TAF6: variants seen among roughly 807,000 people sequenced by gnomAD.
TAF6 encodes TATA-box binding protein associated factor 6.
In TAF6, 50 loss-of-function variants were observed where a neutral mutation model predicts 73.5. The observed-to-expected ratio is 0.68, with a 90% CI of 0.54 to 0.86. TAF6 has a LOEUF of 0.86. TAF6 is among the 40% of genes least tolerant of loss of function. TAF6 has a pLI of 0.00. For missense variants in TAF6, 768 were observed against 899.5 expected, an observed-to-expected ratio of 0.85 and a Z score of 1.87; for synonymous variants, 424 against 376.7, an observed-to-expected ratio of 1.13 and a Z score of -1.45.
chr7:100,121,130 T>TACA (rs1798050393), upstream of TAF6: 1 of 83,258 alleles, frequency 1.2e-5, no homozygotes, highest in African/African-American at 4.3e-5. Context: ...TTTTTTTTTT[T>TACA]TTTTTTTTTT....
Position 100,114,079 on chromosome 7 carries a change from C to G in TAF6, c.131G>C (p.Ser44Thr). 1 of 1,614,200 alleles carries G rather than the reference C, an allele frequency of 6.2e-7. No individual in the cohort carries two copies. The highest frequency in any genetic ancestry group is 8.5e-7 in the Non-Finnish European group (1 of 1,180,040). The change falls in exon 2 of 15, where the codon AGC becomes ACC. Residue 44 changes from serine to threonine, a missense_variant. By Grantham distance (58) the Ser-to-Thr change is moderately conservative (BLOSUM62 1). Around this residue, in one of 5 missense-constraint regions of TAF6, gnomAD observed 269 missense variants for 268.0 expected, o/e 1.00. Coordinates refer to ENST00000453269, the MANE Select transcript of TAF6 (RefSeq NM_139315.3). ...CTGTGCGATCTCTTTGATGCGGTAG[C>G]TGACCTCATCCGTTAGCAGCTGGCA... ...ETCQLLTDEV[S>T]YRIKEIAQDA...
intron 12 of TAF6, among the ~76,000 whole-genome samples, chr7:100,109,529 C>T (rs537067114): frequency 2.6e-5 from 4 of 151,970 alleles, no homozygotes; most frequent in Admixed American, 2.0e-4. Flanking sequence ...GGTGGTCTCC[C>T]TCTGTAACCC....
chr7:100,107,563 T>C lies in TAF6; in HGVS notation c.1717A>G (p.Thr573Ala). 1 of 1,613,540 alleles carries C rather than the reference T, an allele frequency of 6.2e-7. No individual in the cohort carries two copies. Among genetic ancestry groups the C allele is most frequent in the Non-Finnish European group, 8.5e-7 (1 of 1,179,862 alleles). ...ATGGGCTGCACGCTGGGGACGGTGGTGGTGACGGGCGAAGTGGTGGTGGAA... is the reference window on the plus strand; with the variant it reads ...ATGGGCTGCACGCTGGGGACGGTGGCGGTGACGGGCGAAGTGGTGGTGGAA... ...SGSTTTSPVT[T>A]TVPSVQPIVK... Residue 573 changes from threonine to alanine, a missense_variant, in exon 15 of 15, where the codon ACC becomes GCC. By Grantham distance (58) the Thr-to-Ala change is moderately conservative (BLOSUM62 0). This residue lies in a region of TAF6 where 350 missense variants were observed against 352.3 expected (regional missense o/e 0.99). Transcript: ENST00000453269.
intron 1 of TAF6, among the ~76,000 whole-genome samples, chr7:100,117,359 C>T (rs1477160798): frequency 6.6e-6 from 1 of 150,810 alleles, no homozygotes; most frequent in Non-Finnish European, 1.5e-5. Flanking sequence ...GCAACCTCCG[C>T]CTCCCAGATT....
rs777890687 is a variant in TAF6 at position 100,110,202 on chromosome 7, C to T, written c.1156G>A (p.Asp386Asn). 1.9e-6 allele frequency: 3 copies of T among 1,614,126 alleles called. No homozygotes were observed. The highest frequency in any genetic ancestry group is 1.1e-5 in the South Asian group (1 of 91,080). Residue 386 changes from aspartate (D) to asparagine (N), a missense_variant and splice_region_variant, in exon 11 of 15, where the codon GAT becomes AAT. By Grantham distance (23) the Asp-to-Asn change is conservative. Around this residue, in one of 5 missense-constraint regions of TAF6, gnomAD observed 69 missense variants for 105.4 expected, o/e 0.65. Transcript: ENST00000453269. ...SIAGLAELGH[D>N]VIKTLILPRL... ...TTTCTTCCTCCCAGAGGCCTAACAT[C>T]GTGTCCCAGCTCAGCCAAGCCTGCG...
upstream of TAF6, chr7:100,124,624 T>C: frequency 6.2e-7 from 1 of 1,613,224 alleles, no homozygotes; most frequent in Non-Finnish European, 8.5e-7. Context: ...TCCCAGCTGC[T>C]GAAACTGGTA....
chr7:100,112,040 G>C, intron 7 of TAF6, 41 bp from the exon 8 acceptor site: 6 of 1,613,868 alleles, frequency 3.7e-6, no homozygotes, highest in Non-Finnish European at 5.1e-6. Flanking sequence ...GGTGGGATGT[G>C]GGGAGCAATT....
upstream of TAF6, chr7:100,122,489 G>A (rs1562939333): frequency 1.2e-6 from 2 of 1,614,078 alleles, no homozygotes; most frequent in Non-Finnish European, 1.7e-6. Context: ...AGAGAGACAA[G>A]GCTGGAAGAG....
intron 5 of TAF6, 103 bp from the exon 6 acceptor site, chr7:100,113,020 T>G (rs921066942): frequency 2.6e-5 from 38 of 1,479,032 alleles, no homozygotes; most frequent in Non-Finnish European, 3.1e-5. Context: ...ATCCCAGCAC[T>G]TTGGGAGGCC....
At chr7:100,122,214 G>GT (rs779928960), upstream of TAF6, 2 of 1,610,498 alleles carry the variant, frequency 1.2e-6, no homozygotes, top group East Asian at 2.2e-5. Context: ...AATGGCTGGT[G>GT]TGTTTGTCTT....
At chr7:100,118,826 C>T (rs1797898881) in intron 1 of TAF6, 1 of 984,276 alleles carries the variant, frequency 1.0e-6, no homozygotes, top group Non-Finnish European at 1.2e-6. Flanking sequence ...CCCTGATCTC[C>T]TCCCCGACTT....
chr7:100,122,130 G>A (rs7799946), upstream of TAF6: 275,995 of 1,166,990 alleles, frequency 0.24, 36,616 homozygotes, highest in Middle Eastern at 0.44. Flanking sequence ...GGCTGAGCCA[G>A]GATTCCAACC....
chr7:100,114,043 G>A lies in TAF6; in HGVS notation c.156+11C>T, dbSNP rs1320460367. 6.2e-7 allele frequency: 1 copy of A among 1,613,998 alleles called. No individual in the cohort carries two copies. Among genetic ancestry groups the A allele is most frequent in the African/African-American group, 1.3e-5 (1 of 75,042 alleles). On this transcript the variant is annotated intron_variant, in intron 2 of 14. Coordinates refer to ENST00000453269, the MANE Select transcript of TAF6 (RefSeq NM_139315.3). ...GACCCAATGTAGAGCTGGACAGAAG[G>A]GCCGGGTCACCTGTGCGATCTCTTT...
upstream of TAF6, chr7:100,122,803 C>T: frequency 6.2e-7 from 1 of 1,613,730 alleles, no homozygotes. Flanking sequence ...CAGACCATGG[C>T]AACACTGAAA....
At chr7:100,109,694 A>C (rs554678508) in intron 12 of TAF6, among the ~76,000 whole-genome samples, 2 of 151,156 alleles carry the variant, frequency 1.3e-5, no homozygotes, top group Non-Finnish European at 3.0e-5. Flanking sequence ...GGATCTCGCT[A>C]CGTTGTCCAG....
rs1796670123 is a variant in TAF6 at position 100,107,612 on chromosome 7, G to A, written c.1668C>T (p.Leu556=). The A allele has an allele frequency of 6.2e-7, 1 of 1,612,896 alleles. No individual in the cohort carries two copies. Among genetic ancestry groups the A allele is most frequent in the Non-Finnish European group, 8.5e-7 (1 of 1,179,738 alleles). The change falls in exon 15 of 15, where the codon CTC becomes CTT. Residue 556 remains leucine (L), a synonymous_variant. Coordinates refer to ENST00000453269, the MANE Select transcript of TAF6 (RefSeq NM_139315.3). ...SAPSTQQVLS[L]STSAPGSGST... The stretch of plus-strand genomic sequence containing the variant: ...AACCTGAGCCGGGGGCCGAGGTGCT[G>A]AGGGACAGGACCTGGATAGAAAGGA...
At position 100,114,100 on chromosome 7, in the gene TAF6, T is replaced by C. The variant is rs752572879; in HGVS notation, c.110A>G (p.Gln37Arg). Residue 37 changes from glutamine (Q) to arginine (R), a missense_variant, in exon 2 of 15, where the codon CAG becomes CGG. By Grantham distance (43) the Gln-to-Arg change is conservative. This residue lies in a region of TAF6 where 269 missense variants were observed against 268.0 expected (regional missense o/e 1.00). Coordinates refer to ENST00000453269, the MANE Select transcript of TAF6 (RefSeq NM_139315.3). ...GTAGCTGACCTCATCCGTTAGCAGCTGGCAGGTCTCCTCCTGAATCTGGGC... is the reference window on the plus strand; with the variant it reads ...GTAGCTGACCTCATCCGTTAGCAGCCGGCAGGTCTCCTCCTGAATCTGGGC... ...GIAQIQEETC[Q>R]LLTDEVSYRI... 6.2e-6 allele frequency: 10 copies of C among 1,614,208 alleles called. No homozygotes were observed. In the South Asian group the frequency reaches 1.1e-4, roughly 18 times the overall value.
chr7:100,125,473 A>G, the TAF6 span: 1 of 152,178 alleles, frequency 6.6e-6, no homozygotes, highest in African/African-American at 2.4e-5. Flanking sequence ...TCAATTTTCT[A>G]TATCGCTATT....
At chr7:100,108,569 G>A (rs1796823861) in intron 12 of TAF6, 29 bp from the exon 13 acceptor site, 1 of 1,567,146 alleles carries the variant, frequency 6.4e-7, no homozygotes, top group African/African-American at 1.4e-5. Context: ...GCCAGGTAGA[G>A]GGAGGGCTGG....
Sources: allele counts gnomAD v4.1 joint callset (sites outside exome capture counted in the v4.1 genomes callset), GRCh38; gene constraint gnomAD v4.1.1; regional missense constraint gnomAD v4.1.1; transcripts MANE v1.5; gene names NCBI Gene and HGNC (gene_info 2026-07-23, HGNC 2026-07-21).